ADK: variants seen among roughly 807,000 people sequenced by gnomAD.
The protein encoded by ADK is adenosine kinase.
A neutral mutation model predicts 44.7 loss-of-function variants in ADK; 24 were observed. The observed-to-expected ratio is 0.54, with a 90% CI of 0.39 to 0.76. The LOEUF (loss-of-function observed/expected upper bound fraction) is 0.76, where lower values mean the gene tolerates loss of function less well. Ranked by LOEUF, ADK falls within the 30% of genes least tolerant of loss-of-function variation. The pLI is 0.00. For missense variants in ADK, 321 were observed against 425.1 expected, an observed-to-expected ratio of 0.76 and a Z score of 2.15; for synonymous variants, 128 against 142.6, an observed-to-expected ratio of 0.90 and a Z score of 0.73.
chr10:74,528,340 G>A (rs758454026), intron 7 of ADK: 95 of 181,168 alleles, frequency 5.2e-4, no homozygotes, highest in Admixed American at 1.0e-3. Flanking sequence ...GTAAAAAGAA[G>A]GTGGAAAATG....
chr10:74,472,285 A>T (rs1254758876), intron 6 of ADK, among the ~76,000 whole-genome samples: 1 of 152,136 alleles, frequency 6.6e-6, no homozygotes, highest in Admixed American at 6.6e-5. Context: ...ATCGAGTATT[A>T]TATTACCCAT....
At chr10:74,541,841 G>A (rs1359156419) in intron 7 of ADK, among the ~76,000 whole-genome samples, 2 of 129,228 alleles carry the variant, frequency 1.5e-5, no homozygotes, top group African/African-American at 6.0e-5. Context: ...ATGCTATTGT[G>A]TCTTTTTTCA....
At chr10:74,267,895 A>G (rs1478074773) in intron 3 of ADK, among the ~76,000 whole-genome samples, 2 of 152,064 alleles carry the variant, frequency 1.3e-5, no homozygotes, top group East Asian at 1.9e-4. Flanking sequence ...AACTGGAGAT[A>G]GAGTTAACAC....
chr10:74,569,876 AG>A (rs752807540), intron 7 of ADK, among the ~76,000 whole-genome samples: 1 of 152,132 alleles, frequency 6.6e-6, no homozygotes, highest in Non-Finnish European at 1.5e-5. Context: ...GGTATTGCCT[AG>A]GTTTTCTTCT....
intron 4 of ADK, among the ~76,000 whole-genome samples, chr10:74,341,535 A>G (rs1227439893): frequency 6.6e-6 from 1 of 151,990 alleles, no homozygotes; most frequent in East Asian, 1.9e-4. Flanking sequence ...CTCAAAAAAA[A>G]AAAAAAAAAA....
In ADK at chr10:74,401,974, G is replaced by T. The variant is rs540301652; in HGVS notation, c.555+3395G>T. On this transcript the variant is annotated intron_variant, in intron 6 of 10. Coordinates refer to ENST00000539909, the MANE Select transcript of ADK (RefSeq NM_006721.4). ...TCTCAGCATTTGCTTGTCTGTAAAG[G>T]ATTTTATTTCTCCTTCACTTATGAA... Among the ~76,000 whole-genome samples the T allele has an allele frequency of 1.3e-3, 203 of 152,212 alleles. 1 individual carries two copies. Among genetic ancestry groups the T allele is most frequent in the African/African-American group, 4.6e-3 (190 of 41,528 alleles).
chr10:74,184,492 G>A (rs1842674902), intron 1 of ADK, among the ~76,000 whole-genome samples: 1 of 142,318 alleles, frequency 7.0e-6, no homozygotes, highest in South Asian at 2.3e-4. Context: ...CACCATGCCT[G>A]GCTATATTTT....
At chr10:74,300,046 C>A (rs111527101) in intron 3 of ADK, among the ~76,000 whole-genome samples, 1 of 150,464 alleles carries the variant, frequency 6.6e-6, no homozygotes, top group Non-Finnish European at 1.5e-5. Context: ...TCTTCTTCTT[C>A]GTCTTCTTTT....
At chr10:74,567,622 A>G (rs1850720136) in intron 7 of ADK, among the ~76,000 whole-genome samples, 1 of 147,772 alleles carries the variant, frequency 6.8e-6, no homozygotes, top group Non-Finnish European at 1.5e-5. Flanking sequence ...AATTGTGCCC[A>G]TTTGTTGAGA....
chr10:74,417,292 C>T (rs369930847), intron 6 of ADK, among the ~76,000 whole-genome samples: 8 of 152,090 alleles, frequency 5.3e-5, no homozygotes. Flanking sequence ...AAAAACTGTA[C>T]ATTTTAACTA....
chr10:74,439,187 T>C (rs1359135340), intron 6 of ADK, among the ~76,000 whole-genome samples: 6 of 152,234 alleles, frequency 3.9e-5, no homozygotes, highest in African/African-American at 1.4e-4. Context: ...CTGTCTGATA[T>C]ATGACCAGAA....
At chr10:74,359,475 A>C (rs1473692602) in intron 4 of ADK, among the ~76,000 whole-genome samples, 1 of 152,154 alleles carries the variant, frequency 6.6e-6, no homozygotes, top group African/African-American at 2.4e-5. Context: ...TGGGAGGCTG[A>C]AGTGGGAGGA....
At position 74,480,047 on chromosome 10, in the gene ADK, G is replaced by A. The variant is rs1277503137; in HGVS notation, c.556-45209G>A. Among the ~76,000 whole-genome samples, 7 of 151,990 alleles carry A rather than the reference G, an allele frequency of 4.6e-5. No homozygotes were observed. In the East Asian group the frequency reaches 1.3e-3, roughly 29 times the overall value. On this transcript the variant is annotated intron_variant, in intron 6 of 10. Coordinates refer to ENST00000539909, the MANE Select transcript of ADK (RefSeq NM_006721.4). ...TACATTTCTCAGGAAAGGCGTATGT[G>A]TACAGTATCCTCTGTGTTCTTTTTT...
chr10:74,255,863 AGT>A (rs765958752), intron 3 of ADK, among the ~76,000 whole-genome samples: 9 of 152,160 alleles, frequency 5.9e-5, no homozygotes, highest in Non-Finnish European at 1.0e-4. Flanking sequence ...GTGGAACTTT[AGT>A]CATTTTCTAG....
At chr10:74,226,263 A>G (rs1349890271) in intron 3 of ADK, among the ~76,000 whole-genome samples, 1 of 152,060 alleles carries the variant, frequency 6.6e-6, no homozygotes, top group East Asian at 1.9e-4. Flanking sequence ...ACCCGCCACC[A>G]TGCCCAGCTA....
At chr10:74,251,641 A>G (rs989683012) in intron 3 of ADK, among the ~76,000 whole-genome samples, 2 of 152,182 alleles carry the variant, frequency 1.3e-5, no homozygotes, top group Non-Finnish European at 2.9e-5. Context: ...GTTACAGCAA[A>G]TAAGTGGTGG....
At chr10:74,513,179 C>T (rs368146307) in intron 6 of ADK, among the ~76,000 whole-genome samples, 4 of 152,212 alleles carry the variant, frequency 2.6e-5, no homozygotes, top group African/African-American at 4.8e-5. Flanking sequence ...TCCTTACACA[C>T]GATTGATCCT....
intron 4 of ADK, among the ~76,000 whole-genome samples, chr10:74,349,582 C>T (rs1363313000): frequency 6.6e-6 from 1 of 152,114 alleles, no homozygotes; most frequent in Admixed American, 6.5e-5. Context: ...CTTAGCTGTA[C>T]ATGGCCTAAA....
At chr10:74,339,079 AG>A (rs1359490144) in intron 4 of ADK, among the ~76,000 whole-genome samples, 1 of 152,132 alleles carries the variant, frequency 6.6e-6, no homozygotes, top group Admixed American at 6.6e-5. Flanking sequence ...CCAGCCTCCC[AG>A]GTAGCTAGGA....
Sources: allele counts gnomAD v4.1 joint callset (sites outside exome capture counted in the v4.1 genomes callset), GRCh38; gene constraint gnomAD v4.1.1; transcripts MANE v1.5; gene names NCBI Gene and HGNC (gene_info 2026-07-23, HGNC 2026-07-21).